The following CSMD3 variants were observed in gnomAD, a reference collection of about 807,000 sequenced individuals.
The protein encoded by CSMD3 is CUB and Sushi multiple domains 3.
In CSMD3, 177 loss-of-function variants were observed where a neutral mutation model predicts 435.2. The observed-to-expected ratio is 0.41, with a 90% confidence interval of 0.36 to 0.46. The LOEUF (loss-of-function observed/expected upper bound fraction) is 0.46. Among genes scored for constraint, CSMD3 ranks in the 20% least tolerant of loss-of-function variants. The pLI, the probability that CSMD3 is intolerant of heterozygous loss-of-function variation, is 0.34. For missense variants in CSMD3, 4,265 were observed against 4,504.6 expected (o/e 0.95, Z 1.52); for synonymous variants, 1,656 against 1,520.5 (o/e 1.09, Z -2.07).
chr8:112,848,147 A>T (rs553595005), intron 11 of CSMD3, among the ~76,000 whole-genome samples: 1 of 152,282 alleles, frequency 6.6e-6, no homozygotes, highest in African/African-American at 2.4e-5. Flanking sequence ...TTCAACAGAA[A>T]TCAAATCTAT....
At chr8:113,114,019 T>C (rs1163268019) in intron 4 of CSMD3, among the ~76,000 whole-genome samples, 1 of 152,102 alleles carries the variant, frequency 6.6e-6, no homozygotes, top group African/African-American at 2.4e-5. Flanking sequence ...CAGTATATAG[T>C]ATGAACAGTG....
intron 1 of CSMD3, among the ~76,000 whole-genome samples, chr8:113,369,762 A>G (rs941716756): frequency 4.6e-5 from 7 of 151,946 alleles, no homozygotes; most frequent in Non-Finnish European, 1.0e-4. Flanking sequence ...ACAACAACAT[A>G]GATGAACATG....
intron 13 of CSMD3, among the ~76,000 whole-genome samples, chr8:112,773,641 T>C (rs2078175790): frequency 6.6e-6 from 1 of 152,004 alleles, no homozygotes; most frequent in Non-Finnish European, 1.5e-5. Context: ...GCTTTGAACC[T>C]GAAGAACTAA....
intron 50 of CSMD3, chr8:112,310,722 T>C (rs945391205): frequency 5.6e-6 from 3 of 535,308 alleles, no homozygotes; most frequent in South Asian, 4.0e-5. Context: ...GGAGGATGTA[T>C]GAATAAAGTA....
At chr8:112,591,008 C>A (rs1831142423) in intron 22 of CSMD3, among the ~76,000 whole-genome samples, 1 of 151,942 alleles carries the variant, frequency 6.6e-6, no homozygotes, top group Admixed American at 6.6e-5. Context: ...GGGGTGGTGT[C>A]ATCTTTAAAT....
intron 6 of CSMD3, among the ~76,000 whole-genome samples, chr8:112,996,511 C>T (rs2085658549): frequency 6.6e-6 from 1 of 151,578 alleles, no homozygotes; most frequent in African/African-American, 2.4e-5. Context: ...GGCATTATCT[C>T]AAACTTACTG....
intron 1 of CSMD3, among the ~76,000 whole-genome samples, chr8:113,354,004 TTTG>T (rs1284531597): frequency 2.0e-5 from 3 of 152,156 alleles, no homozygotes; most frequent in Non-Finnish European, 2.9e-5. Flanking sequence ...AAAAGTCTAT[TTTG>T]TTGTTATTTT....
At chr8:112,846,257 TTC>T (rs2080316092) in intron 11 of CSMD3, among the ~76,000 whole-genome samples, 1 of 151,636 alleles carries the variant, frequency 6.6e-6, no homozygotes, top group Non-Finnish European at 1.5e-5. Context: ...AAAAGAAATA[TTC>T]TTTTTTCCCC....
intron 58 of CSMD3, among the ~76,000 whole-genome samples, chr8:112,282,192 T>A (rs929246673): frequency 1.3e-5 from 2 of 152,048 alleles, no homozygotes; most frequent in African/African-American, 2.4e-5. Context: ...TCTTGCTGCA[T>A]CTTAAATATT....
rs565449595 is a variant in CSMD3, at chr8:112,336,407, T to A, written c.7019+245A>T. 2.0e-5 allele frequency among the ~76,000 whole-genome samples: 3 copies of A among 152,340 alleles called. No individual in the cohort carries two copies. In the East Asian group the frequency reaches 5.8e-4, roughly 29 times the overall value. Reference sequence around the variant, plus strand: ...AGCACATTAATTTAATAATATTTTTTAATCTTGTTTTCACCTATGAAGTCT... The same window carrying A: ...AGCACATTAATTTAATAATATTTTTAAATCTTGTTTTCACCTATGAAGTCT... On this transcript the variant is annotated intron_variant, in intron 44 of 70. Coordinates refer to ENST00000297405, the MANE Select transcript of CSMD3 (RefSeq NM_198123.2).
chr8:112,413,072 T>C (rs550391712), intron 32 of CSMD3, among the ~76,000 whole-genome samples: 2 of 152,260 alleles, frequency 1.3e-5, no homozygotes, highest in South Asian at 4.1e-4. Flanking sequence ...TTTTAATAAA[T>C]CTATAACTTA....
At chr8:112,278,940 T>C (rs1460870047) in intron 59 of CSMD3, among the ~76,000 whole-genome samples, 4 of 151,842 alleles carry the variant, frequency 2.6e-5, no homozygotes, top group African/African-American at 7.3e-5. Flanking sequence ...TGGAGGAAGA[T>C]ACATATAAAT....
intron 52 of CSMD3, 30 bp downstream of exon 52, chr8:112,304,691 T>G: frequency 1.3e-5 from 19 of 1,519,356 alleles, no homozygotes; most frequent in Non-Finnish European, 1.3e-5. Context: ...ACATAGCTTA[T>G]GAAATAAGTT....
At chr8:113,270,526 G>A (rs1480534813) in intron 3 of CSMD3, among the ~76,000 whole-genome samples, 7 of 152,210 alleles carry the variant, frequency 4.6e-5, no homozygotes, top group Admixed American at 2.0e-4. Context: ...ACATGCACAC[G>A]TATGTTTATT....
At chr8:112,463,976 C>T (rs1817697195) in intron 32 of CSMD3, among the ~76,000 whole-genome samples, 1 of 152,116 alleles carries the variant, frequency 6.6e-6, no homozygotes, top group Admixed American at 6.5e-5. Context: ...GTGGCTCATG[C>T]CTGTAATCCC....
intron 3 of CSMD3, among the ~76,000 whole-genome samples, chr8:113,199,450 T>C (rs1228581290): frequency 1.3e-5 from 2 of 151,924 alleles, no homozygotes; most frequent in East Asian, 3.9e-4. Context: ...AATAAGATGG[T>C]TTCTAGTATA....
rs146727346 is a variant in CSMD3 at position 112,411,555 on chromosome 8, A to G, written c.5396-2523T>C. Among the ~76,000 whole-genome samples, 11 of 152,166 alleles carry G rather than the reference A, an allele frequency of 7.2e-5. 1 individual carries two copies. In the East Asian group the frequency reaches 2.1e-3, roughly 29 times the overall value. ...TAGTAAAGACAAAATTTTAAAGTAC[A>G]TGCCTAGTAAGTTATTTTGTAGTAT... On this transcript the variant is annotated intron_variant, in intron 32 of 70. Transcript: ENST00000297405.
chr8:112,313,833 G>A lies in CSMD3; in HGVS notation c.7696+73C>T, dbSNP rs1822212583. 3.3e-6 allele frequency: 4 copies of A among 1,216,258 alleles called. No homozygotes were observed. The Admixed American group carries it at 5.1e-5, about 16-fold the overall frequency. 75.3% of individuals were successfully genotyped at this position (1,216,258 alleles called of 1,614,324 possible). On this transcript the variant is annotated intron_variant, in intron 49 of 70. Transcript: ENST00000297405. ...TTGAATTCATGTCTAACTGAATAGT[G>A]TCTCTGCTCCTTAATCATAATCATA...
intron 12 of CSMD3, among the ~76,000 whole-genome samples, chr8:112,811,237 C>A (rs2079218587): frequency 6.6e-6 from 1 of 151,890 alleles, no homozygotes; most frequent in Middle Eastern, 3.4e-3. Flanking sequence ...AAAAAGAAAA[C>A]TTCTAAGTAT....
Sources: allele counts gnomAD v4.1 joint callset (sites outside exome capture counted in the v4.1 genomes callset), GRCh38; gene constraint gnomAD v4.1.1; transcripts MANE v1.5; gene names NCBI Gene and HGNC (gene_info 2026-07-23, HGNC 2026-07-21).